Variants in RGS22 observed in about 807,000 individuals in gnomAD.
RGS22 encodes regulator of G protein signaling 22, also known as regulator of G-protein signaling 22.
In RGS22, 148 loss-of-function variants were observed where a neutral mutation model predicts 172.9. The ratio of observed to expected loss-of-function variants is 0.86; its 90% CI spans 0.75 to 0.98. The LOEUF is 0.98. Among genes scored for constraint, RGS22 ranks in the 50% least tolerant of loss-of-function variants. The pLI, the probability that RGS22 is intolerant of heterozygous loss-of-function variation, is 0.00. For missense variants in RGS22, 1,347 were observed against 1,440.8 expected, an observed-to-expected ratio of 0.93 and a Z score of 1.05; for synonymous variants, 458 against 480.2, an observed-to-expected ratio of 0.95 and a Z score of 0.60.
In RGS22 at chr8:99,964,477, C is replaced by CAAAAAA. The variant is rs34613354; in HGVS notation, c.3615+852_3615+857dup. ...TGGGTGACAGAGCAAGACCCTGTCTCAAAAAAAAAAAAAAAAAAAAAAGCA... is the reference window on the plus strand; with the variant it reads ...TGGGTGACAGAGCAAGACCCTGTCTCAAAAAAAAAAAAAAAAAAAAAAAAAAAAGCA... On this transcript the variant is annotated intron_variant, in intron 24 of 27. Coordinates refer to ENST00000360863, the MANE Select transcript of RGS22 (RefSeq NM_015668.5). Among the ~76,000 whole-genome samples the CAAAAAA allele has an allele frequency of 5.4e-5, 3 of 55,272 alleles. 1 individual carries two copies. Among genetic ancestry groups the CAAAAAA allele is most frequent in the African/African-American group, 1.2e-4 (2 of 16,550 alleles). The allele number at this position is 55,272 out of a possible 152,430, so 36.3% of individuals were successfully genotyped here. A position where few individuals can be genotyped will look rare whatever the true frequency, so the allele number is the denominator to read the frequency against.
chr8:100,060,527 C>T (rs1216403803), intron 9 of RGS22, among the ~76,000 whole-genome samples: 2 of 150,704 alleles, frequency 1.3e-5, no homozygotes, highest in Non-Finnish European at 3.0e-5. Flanking sequence ...CAGGAACATA[C>T]CCCTATTCAC....
intron 13 of RGS22, 39 bp from the exon 14 acceptor site, chr8:100,039,071 T>C (rs772050957): frequency 8.8e-7 from 1 of 1,140,190 alleles, no homozygotes; most frequent in Non-Finnish European, 1.3e-6. Flanking sequence ...TACCACCCAA[T>C]TATTAAAACT....
intron 14 of RGS22, among the ~76,000 whole-genome samples, chr8:100,016,978 CTTTTTTTTTTTTTTTTTTTTTTTT>C (rs71274949): frequency 5.5e-5 from 2 of 36,110 alleles, no homozygotes; most frequent in African/African-American, 1.8e-4. Context: ...CCTTACCAGT[CTTTTTTTTTTTTTTTTTTTTTTTT>C]TTTTTTTTTT....
At chr8:99,993,306 CAAA>C (rs946007333) in intron 20 of RGS22, among the ~76,000 whole-genome samples, 38 of 151,780 alleles carry the variant, frequency 2.5e-4, no homozygotes, top group Admixed American at 7.2e-4. Flanking sequence ...AAAAACCCTT[CAAA>C]AAAATCAATG....
Position 99,965,380 on chromosome 8 carries a change from AGCAG to A in RGS22, c.3566_3569del (p.Thr1189IlefsTer8). On this transcript the variant is annotated frameshift_variant, in exon 24 of 28. Transcript: ENST00000360863. LOFTEE classifies it high-confidence loss of function. Reference sequence around the variant, plus strand: ...GGCCTAGGAAGGAATCACTGAGTAAAGCAGTTTTGATAGCAGGCACTGAAGTATT... The same window carrying A: ...GGCCTAGGAAGGAATCACTGAGTAAATTTTGATAGCAGGCACTGAAGTATT... The A allele has an allele frequency of 6.2e-7, 1 of 1,613,802 alleles. No individual in the cohort carries two copies. Among genetic ancestry groups the A allele is most frequent in the South Asian group, 1.1e-5 (1 of 91,042 alleles).
intron 14 of RGS22, among the ~76,000 whole-genome samples, chr8:100,016,803 A>ATTTTAT (rs1817014086): frequency 6.6e-6 from 1 of 151,860 alleles, no homozygotes; most frequent in Non-Finnish European, 1.5e-5. Context: ...TAATAATAAT[A>ATTTTAT]TACCTAATGC....
chr8:100,080,820 T>C (rs976231873), intron 3 of RGS22: 2 of 155,754 alleles, frequency 1.3e-5, no homozygotes, highest in African/African-American at 4.8e-5. Context: ...TGTTCTTCAG[T>C]TAAGACTATT....
Position 99,961,043 on chromosome 8 carries a change from G to C in RGS22, c.*199C>G, listed in dbSNP as rs866843991. 4.5e-5 allele frequency: 16 copies of C among 354,722 alleles called. 1 individual carries two copies. In the Middle Eastern group the frequency reaches 5.0e-3, roughly 110 times the overall value. The allele number at this position is 354,722 out of a possible 1,614,324, so 22.0% of individuals were successfully genotyped here. ...AGAATAGCTATAATTTTAAAACTGC[G>C]AGAGTAAGACAAGCCAAATTTTCTT... On this transcript the variant is annotated 3_prime_UTR_variant, in exon 28 of 28. Transcript: ENST00000360863.
At chr8:99,977,010 A>G (rs1185402236) in intron 23 of RGS22, among the ~76,000 whole-genome samples, 2 of 152,174 alleles carry the variant, frequency 1.3e-5, no homozygotes, top group Non-Finnish European at 2.9e-5. Flanking sequence ...AGAGAAAGAG[A>G]CCAATGAATG....
chr8:100,004,030 C>A lies in RGS22; in HGVS notation c.2523G>T (p.Trp841Cys). ...LSNVSKRTEY[W>C]DNVPAEYKHF... ...GCTTGTATTCTGCAGGAACATTATCCCAATATTCTGTTCGTTTAGAGACGT... is the reference window on the plus strand; with the variant it reads ...GCTTGTATTCTGCAGGAACATTATCACAATATTCTGTTCGTTTAGAGACGT... Residue 841 changes from tryptophan (W) to cysteine (C), a missense_variant, in exon 17 of 28, where the codon TGG becomes TGT. Coordinates refer to ENST00000360863, the MANE Select transcript of RGS22 (RefSeq NM_015668.5). The A allele has an allele frequency of 6.2e-7, 1 of 1,611,802 alleles. No individual in the cohort carries two copies. The highest frequency in any genetic ancestry group is 1.1e-5 in the South Asian group (1 of 90,836).
intron 9 of RGS22, among the ~76,000 whole-genome samples, chr8:100,062,365 T>C (rs2446925): frequency 0.46 from 70,201 of 151,562 alleles, 18,621 homozygotes; most frequent in Non-Finnish European, 0.57. Context: ...AAGAATATGC[T>C]CACCAAAGTT....
Position 99,978,080 on chromosome 8 carries a change from AT to A in RGS22, c.3361-6del. The A allele has an allele frequency of 6.7e-7, 1 of 1,500,306 alleles. No homozygotes were observed. The highest frequency in any genetic ancestry group is 8.8e-7 in the Non-Finnish European group (1 of 1,132,170). 92.9% of individuals were successfully genotyped at this position (1,500,306 alleles called of 1,614,324 possible). A position where few individuals can be genotyped will look rare whatever the true frequency, so the allele number is the denominator to read the frequency against. Reference sequence around the variant, plus strand: ...CAGAACCCCAAAAATTGTCATCTGTATAAAAAAAAGTCTAAGATTACAATTT... The same window carrying A: ...CAGAACCCCAAAAATTGTCATCTGTAAAAAAAAAGTCTAAGATTACAATTT... On this transcript the variant is annotated splice_polypyrimidine_tract_variant and splice_region_variant and intron_variant, in intron 22 of 27. Transcript: ENST00000360863.
In RGS22 at chr8:100,086,311, G is replaced by A. The variant is rs116244237; in HGVS notation, c.118-5956C>T. ...AAGACTGGAGAGAAAGGATGAATTCGTTGAGGACCTACTATCATATGCTGT... is the reference window on the plus strand; with the variant it reads ...AAGACTGGAGAGAAAGGATGAATTCATTGAGGACCTACTATCATATGCTGT... On this transcript the variant is annotated intron_variant, in intron 3 of 27. Coordinates refer to ENST00000360863, the MANE Select transcript of RGS22 (RefSeq NM_015668.5). Among the ~76,000 whole-genome samples, 7 of 152,214 alleles carry A rather than the reference G, an allele frequency of 4.6e-5. 1 individual carries two copies. The highest frequency in any genetic ancestry group is 1.7e-4 in the African/African-American group (7 of 41,550).
intron 16 of RGS22, among the ~76,000 whole-genome samples, chr8:100,005,556 A>G (rs188852588): frequency 4.7e-4 from 72 of 152,302 alleles, no homozygotes; most frequent in African/African-American, 1.7e-3. Context: ...AATCAATCCT[A>G]TGATCTTTTT....
At chr8:100,099,424 G>A (rs1336425888) in intron 2 of RGS22, among the ~76,000 whole-genome samples, 2 of 152,170 alleles carry the variant, frequency 1.3e-5, no homozygotes, top group Non-Finnish European at 2.9e-5. Flanking sequence ...AAAAGAGGAT[G>A]TGGCAAGCTT....
At position 100,080,155 on chromosome 8, in the gene RGS22, A is replaced by T; in HGVS notation, c.318T>A (p.Ile106=). Residue 106 remains isoleucine, a synonymous_variant, in exon 4 of 28, where the codon ATT becomes ATA. Transcript: ENST00000360863. The part of the protein sequence containing the change: ...QMNAPDEDET[I]NVNYNIMCLS... ...TTACCATAATATTGTAGTTGACATT[A>T]ATGGTCTCATCTTCATCGGGGGCAT... 1 of 1,604,940 alleles carries T rather than the reference A, an allele frequency of 6.2e-7. No homozygotes were observed. The highest frequency in any genetic ancestry group is 8.5e-7 in the Non-Finnish European group (1 of 1,172,150).
chr8:100,104,057 C>A (rs1813710697), intron 2 of RGS22, among the ~76,000 whole-genome samples: 1 of 152,102 alleles, frequency 6.6e-6, no homozygotes, highest in South Asian at 2.1e-4. Flanking sequence ...GTGGCTCGGG[C>A]CTGTAATCCC....
At chr8:99,982,471 C>T (rs868183115) in intron 21 of RGS22, among the ~76,000 whole-genome samples, 2 of 152,178 alleles carry the variant, frequency 1.3e-5, no homozygotes, top group African/African-American at 4.8e-5. Context: ...CAGGCCCTAC[C>T]CTTTTAAGGT....
chr8:99,972,930 A>G (rs1275107195), intron 23 of RGS22, among the ~76,000 whole-genome samples: 2 of 144,416 alleles, frequency 1.4e-5, no homozygotes, highest in Non-Finnish European at 3.0e-5. Flanking sequence ...GCTACTCGGG[A>G]GGCTGAGGCA....
Sources: allele counts gnomAD v4.1 joint callset (sites outside exome capture counted in the v4.1 genomes callset), GRCh38; gene constraint gnomAD v4.1.1; transcripts MANE v1.5; gene names NCBI Gene and HGNC (gene_info 2026-07-23, HGNC 2026-07-21).